Variants in RBFOX1 observed in about 807,000 individuals in gnomAD.
RBFOX1 encodes the protein RNA binding fox-1 homolog 1.
Under a neutral mutation model 57.7 loss-of-function variants are expected in RBFOX1, and 8 were observed. The ratio of observed to expected loss-of-function variants is 0.14; its 90% CI spans 0.08 to 0.25. The LOEUF (loss-of-function observed/expected upper bound fraction) is 0.25. Among genes scored for constraint, RBFOX1 ranks in the 10% least tolerant of loss-of-function variants. The pLI is 1.00. For missense variants in RBFOX1, 611 were observed against 548.5 expected (o/e 1.11, Z -1.14); for synonymous variants, 326 against 222.4 (o/e 1.47, Z -4.15).
intron 4 of RBFOX1, among the ~76,000 whole-genome samples, chr16:7,286,229 G>A (rs1331772979): frequency 6.6e-6 from 1 of 152,138 alleles, no homozygotes; most frequent in Non-Finnish European, 1.5e-5. Flanking sequence ...GTAAACACTT[G>A]TAGCACAATC....
chr16:6,991,666 A>G (rs1378260144), intron 3 of RBFOX1, among the ~76,000 whole-genome samples: 1 of 152,110 alleles, frequency 6.6e-6, no homozygotes, highest in African/African-American at 2.4e-5. Flanking sequence ...CTGTCCAAGT[A>G]GCTGGGACCA....
At chr16:5,294,850 A>G in intron 1 of RBFOX1, among the ~76,000 whole-genome samples, 1 of 151,268 alleles carries the variant, frequency 6.6e-6, no homozygotes. Flanking sequence ...GGCCAACATG[A>G]GAAAACCCCA....
In RBFOX1 at chr16:6,725,492, A is replaced by T. The variant is rs569255793; in HGVS notation, c.-16+70842A>T. Among the ~76,000 whole-genome samples, 633 of 152,198 alleles carry T rather than the reference A, an allele frequency of 4.2e-3. 2 individuals carry two copies. Among genetic ancestry groups the T allele is most frequent in the Non-Finnish European group, 6.8e-3 (460 of 68,010 alleles). On this transcript the variant is annotated intron_variant, in intron 3 of 15. Transcript: ENST00000550418. ...GCCCAGTGGGTCTCAGCCTTAGGGG[A>T]TGAACCCTCAGTTTTGGGAATTGCC... is the stretch of plus-strand genomic sequence containing the variant.
intron 4 of RBFOX1, among the ~76,000 whole-genome samples, chr16:7,209,560 C>T (rs1233881531): frequency 6.6e-6 from 1 of 152,206 alleles, no homozygotes; most frequent in African/African-American, 2.4e-5. Flanking sequence ...AACATTACCT[C>T]CTCAAAGAGG....
rs533599335 is a variant in RBFOX1, at chr16:7,021,082, C to T, written c.-15-30975C>T. On this transcript the variant is annotated intron_variant, in intron 3 of 15. Transcript: ENST00000550418. ...GGCAGAGGCTGCAGTGAGCCCAGGT[C>T]GTGCTACTGCACTCCAGCATGAGTG... is the stretch of plus-strand genomic sequence containing the variant. Among the ~76,000 whole-genome samples, 6 of 152,178 alleles carry T rather than the reference C, an allele frequency of 3.9e-5. No individual in the cohort carries two copies. In the South Asian group the frequency reaches 8.3e-4, roughly 21 times the overall value.
At chr16:5,464,992 G>A (rs556323573) in intron 1 of RBFOX1, among the ~76,000 whole-genome samples, 27 of 152,172 alleles carry the variant, frequency 1.8e-4, no homozygotes, top group Non-Finnish European at 3.7e-4. Context: ...CTGGAGACTG[G>A]GAGGAGAGGA....
At chr16:5,813,194 G>A (rs1381989449) in intron 3 of RBFOX1, among the ~76,000 whole-genome samples, 1 of 152,060 alleles carries the variant, frequency 6.6e-6, no homozygotes, top group Non-Finnish European at 1.5e-5. Context: ...TTTTAGTAGA[G>A]ACGGGGTTTC....
intron 4 of RBFOX1, among the ~76,000 whole-genome samples, chr16:7,428,401 A>G (rs1423912006): frequency 7.3e-6 from 1 of 136,956 alleles, no homozygotes; most frequent in African/African-American, 2.8e-5. Context: ...ATCTCGGTTC[A>G]CTGCAACTTT....
chr16:7,375,538 G>A (rs1371984353), intron 4 of RBFOX1, among the ~76,000 whole-genome samples: 1 of 151,200 alleles, frequency 6.6e-6, no homozygotes, highest in Admixed American at 6.6e-5. Context: ...AGATGTTTTG[G>A]GTGTTCCCAG....
chr16:6,538,526 TGAG>T (rs1453038251), intron 2 of RBFOX1, among the ~76,000 whole-genome samples: 1 of 152,064 alleles, frequency 6.6e-6, no homozygotes, highest in Non-Finnish European at 1.5e-5. Flanking sequence ...ATGAAAATCA[TGAG>T]GAGACATCAT....
intron 2 of RBFOX1, among the ~76,000 whole-genome samples, chr16:6,370,827 G>A (rs1371383031): frequency 6.6e-6 from 1 of 152,164 alleles, no homozygotes; most frequent in Non-Finnish European, 1.5e-5. Context: ...AATTAAATTG[G>A]TAAGTTTTAT....
chr16:5,542,244 ATTTTT>A (rs5815254), intron 2 of RBFOX1, among the ~76,000 whole-genome samples: 5,274 of 122,506 alleles, frequency 0.043, 207 homozygotes, highest in African/African-American at 0.13. Flanking sequence ...ACAGGTATTG[ATTTTT>A]TTTTTTTTTT....
At chr16:7,277,188 T>A (rs2095457082) in intron 4 of RBFOX1, among the ~76,000 whole-genome samples, 1 of 152,062 alleles carries the variant, frequency 6.6e-6, no homozygotes, top group South Asian at 2.1e-4. Flanking sequence ...AACCGACTTT[T>A]ATTTAATGAT....
At chr16:6,554,893 G>C (rs978249171) in intron 2 of RBFOX1, among the ~76,000 whole-genome samples, 2 of 151,884 alleles carry the variant, frequency 1.3e-5, no homozygotes, top group Non-Finnish European at 2.9e-5. Flanking sequence ...CTGTAGCTGA[G>C]AAAGAAGCCC....
chr16:7,051,719 T>C (rs7188647), intron 3 of RBFOX1, among the ~76,000 whole-genome samples: 80,029 of 151,478 alleles, frequency 0.53, 23,143 homozygotes, highest in South Asian at 0.76. Flanking sequence ...ACCTGTGATA[T>C]AGGGCAAGCT....
chr16:7,253,009 T>G (rs985035974), intron 4 of RBFOX1, among the ~76,000 whole-genome samples: 2 of 152,188 alleles, frequency 1.3e-5, no homozygotes, highest in African/African-American at 2.4e-5. Flanking sequence ...CCTCTGATAA[T>G]AAGCCCTTCT....
rs751374056 is a variant in RBFOX1, at chr16:7,597,366, C to T, written c.562-5C>T. 15 of 1,605,908 alleles carry T rather than the reference C, an allele frequency of 9.3e-6. No individual in the cohort carries two copies. Among genetic ancestry groups the T allele is most frequent in the African/African-American group, 1.3e-5 (1 of 74,626 alleles). ...TGTGCTTACTTGAGTTTTCTATGTA[C>T]ATAGGTAAATAATGCCACAGCACGT... On this transcript the variant is annotated splice_polypyrimidine_tract_variant and splice_region_variant and intron_variant, in intron 8 of 15. Coordinates refer to ENST00000550418, the MANE Select transcript of RBFOX1 (RefSeq NM_018723.4).
At chr16:6,074,259 T>G (rs2095870191) in intron 1 of RBFOX1, among the ~76,000 whole-genome samples, 1 of 152,160 alleles carries the variant, frequency 6.6e-6, no homozygotes, top group Non-Finnish European at 1.5e-5. Context: ...TCAAGCTTCT[T>G]TCTCTCTCCC....
intron 3 of RBFOX1, among the ~76,000 whole-genome samples, chr16:5,681,275 G>A (rs1390866309): frequency 2.7e-5 from 4 of 149,014 alleles, no homozygotes; most frequent in African/African-American, 7.4e-5. Context: ...TGGTAGAGAC[G>A]GGGTTTCACC....
Sources: gnomAD v4.1 joint callset for allele counts (sites outside exome capture counted in the v4.1 genomes callset) on GRCh38, gnomAD v4.1.1 for gene constraint, MANE v1.5 for transcripts, NCBI Gene and HGNC (gene_info 2026-07-23, HGNC 2026-07-21) for gene names.